KIF6: variants seen among roughly 807,000 people sequenced by gnomAD.
The protein encoded by KIF6 is kinesin family member 6.
A neutral mutation model predicts 112.7 loss-of-function variants in KIF6; 106 were observed. That is an observed-to-expected ratio of 0.94 (90% CI 0.80 to 1.11). The LOEUF (loss-of-function observed/expected upper bound fraction) is 1.11, where lower values mean the gene tolerates loss of function less well. KIF6 is among the 50% of genes least tolerant of loss of function. KIF6 has a pLI of 0.00. For missense variants in KIF6, 929 were observed against 964.0 expected (o/e 0.96, Z 0.48); for synonymous variants, 339 against 339.9 (o/e 1.00, Z 0.03).
chr6:39,666,682 C>A (rs748595291), intron 3 of KIF6, among the ~76,000 whole-genome samples: 1 of 152,156 alleles, frequency 6.6e-6, no homozygotes, highest in Non-Finnish European at 1.5e-5. Context: ...TACTCTCTGA[C>A]AAAGGATGTT....
intron 13 of KIF6, among the ~76,000 whole-genome samples, chr6:39,497,839 T>C (rs1775881156): frequency 6.6e-6 from 1 of 152,244 alleles, no homozygotes; most frequent in African/African-American, 2.4e-5. Context: ...ACTTCATGTT[T>C]CTGTAAGTGA....
intron 3 of KIF6, among the ~76,000 whole-genome samples, chr6:39,679,815 C>T (rs1385188372): frequency 6.6e-6 from 1 of 151,246 alleles, no homozygotes; most frequent in Admixed American, 6.6e-5. Flanking sequence ...GAAGGGGTTT[C>T]ACCGTGTTAG....
intron 3 of KIF6, among the ~76,000 whole-genome samples, chr6:39,703,078 C>CT (rs1207694235): frequency 1.3e-4 from 5 of 39,372 alleles, no homozygotes; most frequent in Non-Finnish European, 2.4e-4. Context: ...TCCACCAACC[C>CT]CCCACCCCCA....
chr6:39,604,014 C>T (rs1242731648), intron 6 of KIF6, among the ~76,000 whole-genome samples: 1 of 152,082 alleles, frequency 6.6e-6, no homozygotes, highest in Non-Finnish European at 1.5e-5. Flanking sequence ...ATGCCTGAGA[C>T]TCCTTAAAAC....
At chr6:39,466,591 C>G (rs183738311) in intron 13 of KIF6, among the ~76,000 whole-genome samples, 2 of 152,130 alleles carry the variant, frequency 1.3e-5, no homozygotes, top group Admixed American at 6.5e-5. Context: ...CCCCACCCCC[C>G]ACCTCTGCAT....
intron 3 of KIF6, among the ~76,000 whole-genome samples, chr6:39,699,878 T>C (rs145820851): frequency 0.024 from 3,648 of 152,320 alleles, 152 homozygotes; most frequent in African/African-American, 0.082. Flanking sequence ...TACATATTCA[T>C]TTATTTGATC....
At chr6:39,562,807 C>T (rs1381990865) in intron 10 of KIF6, among the ~76,000 whole-genome samples, 1 of 152,156 alleles carries the variant, frequency 6.6e-6, no homozygotes, top group African/African-American at 2.4e-5. Context: ...TGAACATTTG[C>T]TGAATGATTT....
At chr6:39,625,035 GCTCT>G (rs1167353045) in intron 5 of KIF6, among the ~76,000 whole-genome samples, 1 of 131,602 alleles carries the variant, frequency 7.6e-6, no homozygotes, top group African/African-American at 2.9e-5. Context: ...TATAAGAAGA[GCTCT>G]CTCTCTCTTT....
At chr6:39,642,084 T>C (rs780569559) in intron 3 of KIF6, among the ~76,000 whole-genome samples, 1 of 152,156 alleles carries the variant, frequency 6.6e-6, no homozygotes, top group Non-Finnish European at 1.5e-5. Context: ...CACTCTTCAA[T>C]GGACACTAGG....
intron 5 of KIF6, among the ~76,000 whole-genome samples, chr6:39,616,573 A>G (rs1033447261): frequency 2.6e-5 from 4 of 152,080 alleles, no homozygotes; most frequent in African/African-American, 7.2e-5. Flanking sequence ...TCCCTCACCA[A>G]TCAGGGTCTC....
chr6:39,601,685 C>A (rs1782578550), intron 6 of KIF6, among the ~76,000 whole-genome samples: 1 of 149,294 alleles, frequency 6.7e-6, no homozygotes, highest in Non-Finnish European at 1.5e-5. Context: ...TTGCTCCAGC[C>A]CTTACATGCT....
At chr6:39,390,031 CAAAAAAAAA>C (rs943420819) in intron 15 of KIF6, among the ~76,000 whole-genome samples, 1 of 43,558 alleles carries the variant, frequency 2.3e-5, no homozygotes, top group Non-Finnish European at 4.6e-5. Context: ...ACTCTGTCTC[CAAAAAAAAA>C]AAAAAAAAAA....
At chr6:39,555,873 G>C (rs149391640) in intron 10 of KIF6, among the ~76,000 whole-genome samples, 168 of 149,914 alleles carry the variant, frequency 1.1e-3, no homozygotes, top group African/African-American at 4.1e-3. Context: ...AGAATCACTT[G>C]AGCCTGGGAG....
At position 39,612,576 on chromosome 6, in the gene KIF6, T is replaced by C. The variant is rs528605644; in HGVS notation, c.639+613A>G. On this transcript the variant is annotated intron_variant, in intron 6 of 22. Coordinates refer to ENST00000287152, the MANE Select transcript of KIF6 (RefSeq NM_145027.6). ...ATTTGAATGTCAGATTAACAATGAA[T>C]AATTTTAAATATAAGCATGTTCCAA... is the stretch of plus-strand genomic sequence containing the variant. 2.4e-4 allele frequency among the ~76,000 whole-genome samples: 37 copies of C among 152,212 alleles called. 1 individual carries two copies. The highest frequency in any genetic ancestry group is 4.6e-4 in the Non-Finnish European group (31 of 68,034).
intron 10 of KIF6, among the ~76,000 whole-genome samples, chr6:39,574,182 A>C (rs145839796): frequency 1.8e-4 from 28 of 152,374 alleles, no homozygotes; most frequent in African/African-American, 6.0e-4. Flanking sequence ...ATGCCTTCTA[A>C]ACAGAAAAAT....
At chr6:39,388,898 G>A (rs1186233076) in intron 15 of KIF6, among the ~76,000 whole-genome samples, 2 of 152,170 alleles carry the variant, frequency 1.3e-5, no homozygotes, top group Non-Finnish European at 2.9e-5. Context: ...AAAAGGGTAG[G>A]GGAGGGAAGG....
chr6:39,351,427 T>C (rs1169904662), intron 19 of KIF6, among the ~76,000 whole-genome samples: 1 of 151,030 alleles, frequency 6.6e-6, no homozygotes, highest in Non-Finnish European at 1.5e-5. Flanking sequence ...GATATTTTCA[T>C]ATTTTGTTGT....
chr6:39,722,532 T>G (rs750384605), intron 1 of KIF6, among the ~76,000 whole-genome samples: 3 of 152,240 alleles, frequency 2.0e-5, no homozygotes, highest in Non-Finnish European at 4.4e-5. Flanking sequence ...TATCAAAGAT[T>G]CATTTTATAT....
At chr6:39,413,266 T>C (rs1769622331) in intron 15 of KIF6, among the ~76,000 whole-genome samples, 1 of 152,206 alleles carries the variant, frequency 6.6e-6, no homozygotes, top group Admixed American at 6.5e-5. Context: ...TCTTTTCTCA[T>C]AAGAACTACC....
Sources: gnomAD v4.1 joint callset for allele counts (sites outside exome capture counted in the v4.1 genomes callset) on GRCh38, gnomAD v4.1.1 for gene constraint, MANE v1.5 for transcripts, NCBI Gene and HGNC (gene_info 2026-07-23, HGNC 2026-07-21) for gene names.